FHL2: variants seen among roughly 807,000 people sequenced by gnomAD.
FHL2 encodes the protein four and a half LIM domains protein 2.
In FHL2, 20 loss-of-function variants were observed where a neutral mutation model predicts 32.7. The observed-to-expected ratio is 0.61, with a 90% confidence interval of 0.43 to 0.89. The LOEUF is 0.89. Among genes scored for constraint, FHL2 ranks in the 40% least tolerant of loss-of-function variants. FHL2 has a pLI of 0.00. For missense variants in FHL2, 311 were observed against 358.6 expected (o/e 0.87, Z 1.07); for synonymous variants, 123 against 128.1 (o/e 0.96, Z 0.27).
Position 105,381,906 on chromosome 2 carries a change from G to A in FHL2, c.156+4455C>T, listed in dbSNP as rs78082490. Among the ~76,000 whole-genome samples, 58 of 152,222 alleles carry A rather than the reference G, an allele frequency of 3.8e-4. 1 individual carries two copies. In the East Asian group the frequency reaches 9.3e-3, roughly 24 times the overall value. Reference sequence around the variant, plus strand: ...CAGAAAAGGGTCCAGAAAGACCAGCGAGGGAGGCCTGTGTTACACCGAGGA... The same window carrying A: ...CAGAAAAGGGTCCAGAAAGACCAGCAAGGGAGGCCTGTGTTACACCGAGGA... On this transcript the variant is annotated intron_variant, in intron 3 of 6. Coordinates refer to ENST00000530340, the MANE Select transcript of FHL2 (RefSeq NM_001318895.3).
chr2:105,385,909 T>A (rs1429922530), intron 3 of FHL2: 1 of 239,916 alleles, frequency 4.2e-6, no homozygotes, highest in African/African-American at 2.2e-5. Flanking sequence ...CCAAGGACTT[T>A]GTGCTTTTAT....
chr2:105,391,110 G>A (rs963303038), intron 2 of FHL2, among the ~76,000 whole-genome samples: 1 of 152,030 alleles, frequency 6.6e-6, no homozygotes, highest in Non-Finnish European at 1.5e-5. Context: ...TAGGATTACA[G>A]TCATGAGCCA....
chr2:105,371,794 G>T (rs1681094358), intron 4 of FHL2, among the ~76,000 whole-genome samples: 1 of 152,172 alleles, frequency 6.6e-6, no homozygotes, highest in Admixed American at 6.5e-5. Context: ...ACTAGTAAGG[G>T]TTTAATTTGT....
intron 2 of FHL2, among the ~76,000 whole-genome samples, chr2:105,387,062 G>T (rs1682376411): frequency 6.6e-6 from 1 of 152,048 alleles, no homozygotes; most frequent in Non-Finnish European, 1.5e-5. Context: ...ATCACGCCTG[G>T]TCACATTCCA....
chr2:105,436,261 T>G (rs1283160494), intron 1 of FHL2, among the ~76,000 whole-genome samples: 2 of 151,994 alleles, frequency 1.3e-5, no homozygotes, highest in Non-Finnish European at 2.9e-5. Context: ...AGGCGCAAGG[T>G]GGTTGAGTTT....
intron 1 of FHL2, among the ~76,000 whole-genome samples, chr2:105,425,711 G>T (rs1158406715): frequency 6.6e-6 from 1 of 152,080 alleles, no homozygotes. Flanking sequence ...TGGGTGGAGA[G>T]AAACATAAAT....
intron 3 of FHL2, among the ~76,000 whole-genome samples, chr2:105,377,184 A>C (rs934425381): frequency 2.6e-5 from 4 of 152,174 alleles, no homozygotes; most frequent in African/African-American, 9.7e-5. Context: ...AATGGGCTTG[A>C]TGGGGGTAGT....
chr2:105,409,979 G>A (rs1468290560), intron 1 of FHL2, among the ~76,000 whole-genome samples: 1 of 152,218 alleles, frequency 6.6e-6, no homozygotes, highest in Admixed American at 6.5e-5. Context: ...GGAATACCAG[G>A]AGCTCAGCCC....
At chr2:105,373,085 C>G (rs1373573557) in intron 4 of FHL2, among the ~76,000 whole-genome samples, 1 of 152,206 alleles carries the variant, frequency 6.6e-6, no homozygotes, top group African/African-American at 2.4e-5. Flanking sequence ...GTCTAGAACA[C>G]CAACTCTACA....
upstream of FHL2, among the ~76,000 whole-genome samples, chr2:105,403,271 G>A (rs1683528270): frequency 6.6e-6 from 1 of 152,216 alleles, no homozygotes. Context: ...TTCAGATCCT[G>A]TTTCTTCTTG....
intron 2 of FHL2, among the ~76,000 whole-genome samples, chr2:105,390,839 C>A (rs1479965488): frequency 6.6e-6 from 1 of 151,172 alleles, no homozygotes; most frequent in Non-Finnish European, 1.5e-5. Context: ...CTGTGTCACC[C>A]AGGCTGGAGT....
chr2:105,401,801 A>T (rs1683474247), upstream of FHL2, among the ~76,000 whole-genome samples: 1 of 152,152 alleles, frequency 6.6e-6, no homozygotes, highest in Non-Finnish European at 1.5e-5. Flanking sequence ...TGTAGGTAGA[A>T]ACCAACCATT....
intron 1 of FHL2, among the ~76,000 whole-genome samples, chr2:105,431,786 T>C (rs564307820): frequency 3.9e-5 from 6 of 152,338 alleles, no homozygotes; most frequent in South Asian, 4.1e-4. Context: ...TGGGCTCACA[T>C]TGGCCTCTGG....
At position 105,377,206 on chromosome 2, in the gene FHL2, G is replaced by T. The variant is rs187219471; in HGVS notation, c.157-3473C>A. 2.4e-3 allele frequency among the ~76,000 whole-genome samples: 365 copies of T among 152,318 alleles called. 1 individual carries two copies. The highest frequency in any genetic ancestry group is 8.5e-3 in the African/African-American group (352 of 41,566). On this transcript the variant is annotated intron_variant, in intron 3 of 6. Transcript: ENST00000530340. ...TTGATGGGGGTAGTATTTCAGATTTGCAAGAAGCAAAAGCTCTGGGGATTG... is the reference window on the plus strand; with the variant it reads ...TTGATGGGGGTAGTATTTCAGATTTTCAAGAAGCAAAAGCTCTGGGGATTG...
intron 3 of FHL2, among the ~76,000 whole-genome samples, chr2:105,383,074 C>T (rs149309467): frequency 0.023 from 3,547 of 152,170 alleles, 64 homozygotes; most frequent in Non-Finnish European, 0.031. Context: ...TTAGTAGAGA[C>T]GGGGTTTCGC....
At chr2:105,414,641 C>T (rs1683883459) in intron 1 of FHL2, among the ~76,000 whole-genome samples, 1 of 152,250 alleles carries the variant, frequency 6.6e-6, no homozygotes, top group South Asian at 2.1e-4. Flanking sequence ...CAACCTCTGT[C>T]TCCTGAGTTC....
At chr2:105,381,211 T>C (rs1681861709) in intron 3 of FHL2, among the ~76,000 whole-genome samples, 1 of 152,214 alleles carries the variant, frequency 6.6e-6, no homozygotes, top group African/African-American at 2.4e-5. Context: ...CTCAGCGTTA[T>C]GAAAAGATAT....
At chr2:105,416,978 A>T (rs1013466272) in intron 1 of FHL2, among the ~76,000 whole-genome samples, 1 of 152,118 alleles carries the variant, frequency 6.6e-6, no homozygotes, top group African/African-American at 2.4e-5. Context: ...ATCTTGTTGA[A>T]CTCACGACTT....
chr2:105,400,557 A>C (rs1683426176), upstream of FHL2, among the ~76,000 whole-genome samples: 1 of 152,186 alleles, frequency 6.6e-6, no homozygotes. Flanking sequence ...TATCGTTACA[A>C]ATTAGGAAAT....
Sources: gnomAD v4.1 joint callset for allele counts (sites outside exome capture counted in the v4.1 genomes callset) on GRCh38, gnomAD v4.1.1 for gene constraint, MANE v1.5 for transcripts, NCBI Gene and HGNC (gene_info 2026-07-23, HGNC 2026-07-21) for gene names.